The following TINCR variants were observed in gnomAD, a reference collection of about 807,000 sequenced individuals.
The protein encoded by TINCR is TINCR ubiquitin domain containing.
chr19:5,558,487 G>A (rs888168139), downstream of TINCR: 1 of 152,346 alleles, frequency 6.6e-6, no homozygotes, highest in East Asian at 1.9e-4. Context: ...GAGGGACTGT[G>A]GCCCAAACTC....
At chr19:5,559,615 G>C (rs1261773119), downstream of TINCR, 1 of 152,322 alleles carries the variant, frequency 6.6e-6, no homozygotes, top group Non-Finnish European at 1.5e-5. Flanking sequence ...GATTACAGGC[G>C]TGAGCCACCG....
chr19:5,564,618 G>A (rs1214453694), intron 1 of TINCR, among the ~76,000 whole-genome samples: 1 of 152,184 alleles, frequency 6.6e-6, no homozygotes, highest in Non-Finnish European at 1.5e-5. Flanking sequence ...TCACTCTGTT[G>A]TCCAGGCTGG....
chr19:5,566,236 C>CA (rs769321237), intron 1 of TINCR, among the ~76,000 whole-genome samples: 2 of 151,894 alleles, frequency 1.3e-5, no homozygotes, highest in Non-Finnish European at 2.9e-5. Context: ...GATAAAGAGA[C>CA]ACAGACACAC....
chr19:5,560,778 A>T (rs1280323403), downstream of TINCR: 1 of 152,358 alleles, frequency 6.6e-6, no homozygotes, highest in Non-Finnish European at 1.5e-5. The surrounding 1 kb of genome is among the most constrained non-coding windows in gnomAD (Gnocchi z 4.5). Flanking sequence ...TTGGGGGTGG[A>T]AATGGGGCAC....
At position 5,565,387 on chromosome 19, in the gene TINCR, C is replaced by T. The variant is rs990513775; in HGVS notation, c.260+2278G>A. Among the ~76,000 whole-genome samples the T allele has an allele frequency of 3.9e-5, 6 of 152,166 alleles. No individual in the cohort carries two copies. The highest frequency in any genetic ancestry group is 2.1e-4 in the South Asian group (1 of 4,820). The stretch of plus-strand genomic sequence containing the variant: ...CCTGCATCCCCCACAGCGCCAATTG[C>T]GAGTTGACATTCTCCTGTGCTATTA... On this transcript the variant is annotated intron_variant, in intron 1 of 1. Transcript: ENST00000646160. The surrounding 1 kb of genome is among the most constrained non-coding windows in gnomAD (Gnocchi z 4.0).
At position 5,563,829 on chromosome 19, in the gene TINCR, C is replaced by T. The variant is rs1484725567; in HGVS notation, c.261-880G>A. Among the ~76,000 whole-genome samples, 2 of 152,086 alleles carry T rather than the reference C, an allele frequency of 1.3e-5. No homozygotes were observed. The highest frequency in any genetic ancestry group is 6.5e-5 in the Admixed American group (1 of 15,268). On this transcript the variant is annotated intron_variant, in intron 1 of 1. Transcript: ENST00000646160. This position sits in a 1 kb window ranked among gnomAD's most constrained non-coding sequence, Gnocchi z 4.7. ...ACTCAGGAGACTGAGGCAGGAGAAT[C>T]GCTTGAACCCGGGAGGCAGAGGTTG...
downstream of TINCR, chr19:5,561,128 T>C (rs2052100074): frequency 6.5e-6 from 1 of 153,902 alleles, no homozygotes; most frequent in Non-Finnish European, 1.5e-5. Flanking sequence ...GTGCTTCTCT[T>C]CTTGCGATGC....
intron 1 of TINCR, among the ~76,000 whole-genome samples, chr19:5,564,967 C>A (rs1328984232): frequency 2.6e-5 from 4 of 152,144 alleles, no homozygotes; most frequent in Admixed American, 6.5e-5. Flanking sequence ...GCCCTCCCCC[C>A]ATCACAGTCT....
At chr19:5,567,544 G>A (rs1047552274) in intron 1 of TINCR, 121 bp downstream of exon 1, 9 of 368,810 alleles carry the variant, frequency 2.4e-5, no homozygotes, top group African/African-American at 4.2e-5. Context: ...CGGGCGGGCA[G>A]CGCGAGGTGG....
At chr19:5,559,778 C>T (rs1460822512), downstream of TINCR, 1 of 152,226 alleles carries the variant, frequency 6.6e-6, no homozygotes, top group Non-Finnish European at 1.5e-5. Flanking sequence ...TGAATATGCA[C>T]AGGGAAATGA....
At chr19:5,562,235 A>C (rs1407502955), downstream of TINCR, 2 of 152,722 alleles carry the variant, frequency 1.3e-5, no homozygotes, top group African/African-American at 4.8e-5. The surrounding 1 kb of genome is among the most constrained non-coding windows in gnomAD (Gnocchi z 4.4). Flanking sequence ...ACAGAAAGAC[A>C]CAGGTTGCAG....
chr19:5,566,353 G>A, intron 1 of TINCR, among the ~76,000 whole-genome samples: 1 of 151,818 alleles, frequency 6.6e-6, no homozygotes, highest in Non-Finnish European at 1.5e-5. Context: ...GAGACACGCA[G>A]AGAAACAGAG....
At chr19:5,560,178 G>A (rs2052093732), downstream of TINCR, 1 of 152,332 alleles carries the variant, frequency 6.6e-6, no homozygotes. The surrounding 1 kb of genome is among the most constrained non-coding windows in gnomAD (Gnocchi z 4.5). Context: ...TCTCAGCCAA[G>A]CGGGAATTGC....
At position 5,565,482 on chromosome 19, in the gene TINCR, T is replaced by C. The variant is rs1171694465; in HGVS notation, c.260+2183A>G. On this transcript the variant is annotated intron_variant, in intron 1 of 1. Transcript: ENST00000646160. This position sits in a 1 kb window ranked among gnomAD's most constrained non-coding sequence, Gnocchi z 4.0. ...CACTGCTGAATTTCAGTGTCCAGCA[T>C]GGAGTCTGGCACACAGTAGGCACAC... Among the ~76,000 whole-genome samples, 3 of 152,180 alleles carry C rather than the reference T, an allele frequency of 2.0e-5. No homozygotes were observed. The highest frequency in any genetic ancestry group is 4.4e-5 in the Non-Finnish European group (3 of 68,030).
At chr19:5,558,262 G>A (rs2052081501), downstream of TINCR, 1 of 152,272 alleles carries the variant, frequency 6.6e-6, no homozygotes, top group Non-Finnish European at 1.5e-5. Context: ...CCCAAAGGTA[G>A]TGATGACTCT....
intron 1 of TINCR, among the ~76,000 whole-genome samples, chr19:5,564,206 G>A (rs972982928): frequency 2.6e-5 from 4 of 152,192 alleles, no homozygotes; most frequent in Non-Finnish European, 5.9e-5. Flanking sequence ...GGTTTGTCCC[G>A]AGCAGCCCAC....
intron 1 of TINCR, among the ~76,000 whole-genome samples, chr19:5,566,380 CAG>C (rs1436540621): frequency 1.3e-5 from 2 of 150,132 alleles, no homozygotes; most frequent in East Asian, 3.9e-4. Flanking sequence ...AAGAGACACA[CAG>C]AGAGAAAAAG....
At chr19:5,567,082 A>T (rs1275239135) in intron 1 of TINCR, among the ~76,000 whole-genome samples, 1 of 151,808 alleles carries the variant, frequency 6.6e-6, no homozygotes, top group East Asian at 1.9e-4. Flanking sequence ...AGAGAGACAG[A>T]GACAAAGACA....
rs909307113 is a variant in TINCR at position 5,565,756 on chromosome 19, C to T, written c.260+1909G>A. 6.6e-6 allele frequency among the ~76,000 whole-genome samples: 1 copy of T among 152,198 alleles called. No homozygotes were observed. The highest frequency in any genetic ancestry group is 1.5e-5 in the Non-Finnish European group (1 of 68,038). ...CTGCAACGGGGTGGCATCTGAGGCT[C>T]CTGCCCTCAAAACATCAACCCAGGC... is the stretch of plus-strand genomic sequence containing the variant. On this transcript the variant is annotated intron_variant, in intron 1 of 1. Transcript: ENST00000646160. This position sits in a 1 kb window ranked among gnomAD's most constrained non-coding sequence, Gnocchi z 4.0.
Sources: allele counts gnomAD v4.1 joint callset (sites outside exome capture counted in the v4.1 genomes callset), GRCh38; gene constraint gnomAD v4.1.1; non-coding constraint Gnocchi (gnomAD v3.1); transcripts MANE v1.5; gene names NCBI Gene and HGNC (gene_info 2026-07-23, HGNC 2026-07-21).